The following ASB4 variants were observed in gnomAD, a reference collection of about 807,000 sequenced individuals.
The protein encoded by ASB4 is ankyrin repeat and SOCS box containing 4.
Under a neutral mutation model 38.6 loss-of-function variants are expected in ASB4, and 35 were observed. That is an observed-to-expected ratio of 0.91 (90% confidence interval 0.69 to 1.20). The LOEUF is 1.20. Among genes scored for constraint, ASB4 ranks in the 50% most tolerant of loss-of-function variants. ASB4 has a pLI of 0.00. For synonymous variants in ASB4, 195 were observed against 201.3 expected, an observed-to-expected ratio of 0.97 and a Z score of 0.26; for missense variants, 557 against 527.2, an observed-to-expected ratio of 1.06 and a Z score of -0.55.
At chr7:95,474,589 A>G (rs1789957917), upstream of ASB4, among the ~76,000 whole-genome samples, 3 of 152,084 alleles carry the variant, frequency 2.0e-5, no homozygotes, top group Admixed American at 2.0e-4. Context: ...TGGTGCAATC[A>G]CGGCTCACTG....
chr7:95,499,865 CTTTTTTTTTTTT>C (rs61250820), intron 2 of ASB4, among the ~76,000 whole-genome samples: 2 of 77,258 alleles, frequency 2.6e-5, no homozygotes, highest in African/African-American at 5.7e-5. Flanking sequence ...GATACATCCT[CTTTTTTTTTTTT>C]TTTTTTTTTT....
the ASB4 span, among the ~76,000 whole-genome samples, chr7:95,546,798 C>T: frequency 6.6e-6 from 1 of 152,164 alleles, no homozygotes; most frequent in Non-Finnish European, 1.5e-5. Flanking sequence ...CACAGGATTT[C>T]ACTTTTGGTT....
the ASB4 span, among the ~76,000 whole-genome samples, chr7:95,547,858 C>T: frequency 1.3e-5 from 2 of 152,240 alleles, no homozygotes; most frequent in Admixed American, 6.5e-5. Context: ...GAAACATTAA[C>T]TCTTCCCTGG....
At position 95,495,873 on chromosome 7, in the gene ASB4, C is replaced by CA. The variant is rs756768517; in HGVS notation, c.305dup (p.Asn102LysfsTer3). On this transcript the variant is annotated frameshift_variant, in exon 2 of 5. Coordinates refer to ENST00000325885, the MANE Select transcript of ASB4 (RefSeq NM_016116.3). LOFTEE classifies it high-confidence loss of function. The stretch of plus-strand genomic sequence containing the variant: ...TGCTACTGGACCACAATGCTACAAT[C>CA]AACTGTAGACCCAATGGGAAAACCC... 11 of 1,613,974 alleles carry CA rather than the reference C, an allele frequency of 6.8e-6. No individual in the cohort carries two copies. The highest frequency in any genetic ancestry group is 8.5e-6 in the Non-Finnish European group (10 of 1,180,000).
the ASB4 span, chr7:95,471,861 T>C: frequency 9.8e-6 from 1 of 102,100 alleles, no homozygotes; most frequent in East Asian, 4.0e-4. Flanking sequence ...AGGCAGGTAC[T>C]ATTATTATCT....
upstream of ASB4, among the ~76,000 whole-genome samples, chr7:95,484,107 C>T (rs895327788): frequency 7.3e-5 from 11 of 150,592 alleles, no homozygotes; most frequent in East Asian, 2.0e-4. Flanking sequence ...GCAGGAGGTT[C>T]GCTTAAACTT....
rs1412933677 is a variant in ASB4, at chr7:95,515,332, CCTTT to C, written c.488-12464_488-12461del. 1.8e-3 allele frequency among the ~76,000 whole-genome samples: 213 copies of C among 119,628 alleles called. 2 individuals are homozygous for C. Among genetic ancestry groups the C allele is most frequent in the African/African-American group, 4.9e-3 (155 of 31,830 alleles). 78.5% of individuals were successfully genotyped at this position (119,628 alleles called of 152,430 possible). On this transcript the variant is annotated intron_variant, in intron 2 of 4. Coordinates refer to ENST00000325885, the MANE Select transcript of ASB4 (RefSeq NM_016116.3). ...TTCTTTCTTTCTTCCTTCCTTCCTT[CCTTT>C]CTTTCTTTCTTTCTTTTTCTTTCTT... is the stretch of plus-strand genomic sequence containing the variant.
intron 2 of ASB4, among the ~76,000 whole-genome samples, chr7:95,515,706 C>T (rs1204720895): frequency 3.3e-5 from 5 of 152,312 alleles, no homozygotes; most frequent in East Asian, 1.9e-4. Flanking sequence ...TGAGCCACTG[C>T]GCCCAGCTGC....
chr7:95,540,860 A>AT (rs1790961404), downstream of ASB4, among the ~76,000 whole-genome samples: 1 of 152,204 alleles, frequency 6.6e-6, no homozygotes, highest in Non-Finnish European at 1.5e-5. Flanking sequence ...TCGAACGATG[A>AT]TTGTAGGGAT....
At chr7:95,493,276 AGAG>A (rs1790198185) in intron 1 of ASB4, among the ~76,000 whole-genome samples, 1 of 152,170 alleles carries the variant, frequency 6.6e-6, no homozygotes, top group African/African-American at 2.4e-5. Context: ...TTCTTTTTAA[AGAG>A]GAGATTTGGA....
chr7:95,534,909 C>A (rs1223367943), intron 3 of ASB4, among the ~76,000 whole-genome samples: 1 of 152,080 alleles, frequency 6.6e-6, no homozygotes, highest in African/African-American at 2.4e-5. Flanking sequence ...CCTCTTCTTG[C>A]CTGTCAAGTC....
chr7:95,512,598 AATTGT>A (rs1397904440), intron 2 of ASB4, among the ~76,000 whole-genome samples: 1 of 152,010 alleles, frequency 6.6e-6, no homozygotes, highest in African/African-American at 2.4e-5. Flanking sequence ...TGCTAATGTG[AATTGT>A]AAAGATACAA....
At chr7:95,503,836 A>T (rs1790372949) in intron 2 of ASB4, among the ~76,000 whole-genome samples, 1 of 152,162 alleles carries the variant, frequency 6.6e-6, no homozygotes, top group Admixed American at 6.5e-5. Flanking sequence ...CTTTGTGGAA[A>T]AGGCTAATTG....
chr7:95,506,775 C>T (rs1185700221), intron 2 of ASB4, among the ~76,000 whole-genome samples: 1 of 150,696 alleles, frequency 6.6e-6, no homozygotes, highest in Admixed American at 6.6e-5. Flanking sequence ...GTACTGAGTC[C>T]ATTCAATTCC....
At chr7:95,472,031 T>G in the ASB4 span, 1 of 151,744 alleles carries the variant, frequency 6.6e-6, no homozygotes, top group Non-Finnish European at 1.5e-5. Context: ...AGAGGAGGAG[T>G]GTGAGTGTCC....
upstream of ASB4, among the ~76,000 whole-genome samples, chr7:95,476,103 G>T (rs116639680): frequency 8.7e-3 from 1,332 of 152,256 alleles, 12 homozygotes; most frequent in African/African-American, 0.03. Context: ...GTAGATTCTG[G>T]TCTGCCTTAT....
intron 3 of ASB4, among the ~76,000 whole-genome samples, chr7:95,536,224 T>A (rs937669517): frequency 2.8e-5 from 4 of 144,412 alleles, no homozygotes; most frequent in Non-Finnish European, 6.3e-5. Context: ...GGGTTCTGGT[T>A]TTTTTTTTAC....
intron 2 of ASB4, among the ~76,000 whole-genome samples, chr7:95,520,933 T>G (rs565664103): frequency 6.6e-6 from 1 of 152,300 alleles, no homozygotes; most frequent in East Asian, 1.9e-4. Flanking sequence ...CTTTTTTAAT[T>G]TTAAGAAAAT....
chr7:95,533,224 G>A (rs1234848538), intron 3 of ASB4, among the ~76,000 whole-genome samples: 2 of 152,186 alleles, frequency 1.3e-5, no homozygotes, highest in Non-Finnish European at 2.9e-5. Context: ...GGGGTAGAAT[G>A]TTAGAAGCTG....
Sources: gnomAD v4.1 joint callset for allele counts (sites outside exome capture counted in the v4.1 genomes callset) on GRCh38, gnomAD v4.1.1 for gene constraint, MANE v1.5 for transcripts, NCBI Gene and HGNC (gene_info 2026-07-23, HGNC 2026-07-21) for gene names.